Variants in KIF13B observed in about 807,000 individuals in gnomAD.
The protein encoded by KIF13B is kinesin-like protein KIF13B.
KIF13B carries 127 observed loss-of-function variants against 222.0 expected under a neutral mutation model. The ratio of observed to expected loss-of-function variants is 0.57; its 90% CI spans 0.50 to 0.66. The LOEUF (loss-of-function observed/expected upper bound fraction) is 0.66, where lower values mean the gene tolerates loss of function less well. Among genes scored for constraint, KIF13B ranks in the 30% least tolerant of loss-of-function variants. The pLI is 0.00. For missense variants in KIF13B, 2,173 were observed against 2,379.0 expected, an observed-to-expected ratio of 0.91 and a Z score of 1.80; for synonymous variants, 976 against 919.0, an observed-to-expected ratio of 1.06 and a Z score of -1.12.
At chr8:29,127,940 A>G (rs1006631558) in intron 24 of KIF13B, among the ~76,000 whole-genome samples, 5 of 151,918 alleles carry the variant, frequency 3.3e-5, no homozygotes, top group African/African-American at 4.8e-5. Flanking sequence ...ACATATAATG[A>G]AACACTATAC....
intron 12 of KIF13B, among the ~76,000 whole-genome samples, chr8:29,164,258 T>G (rs1240086250): frequency 6.6e-6 from 1 of 152,246 alleles, no homozygotes; most frequent in Non-Finnish European, 1.5e-5. Context: ...ACAGATTGAT[T>G]CTGGACAGCA....
At chr8:29,124,181 C>T (rs1810004254) in intron 26 of KIF13B, 58 bp from the exon 27 acceptor site, 2 of 1,022,152 alleles carry the variant, frequency 2.0e-6, no homozygotes, top group Admixed American at 2.0e-5. Context: ...CTATCTGAAA[C>T]TGATGCTCTA....
intron 2 of KIF13B, among the ~76,000 whole-genome samples, chr8:29,217,109 C>T (rs776940880): frequency 9.2e-5 from 14 of 152,128 alleles, no homozygotes; most frequent in South Asian, 2.1e-4. Flanking sequence ...GTAGAGGATA[C>T]GTGAACTATC....
At chr8:29,166,222 T>C (rs900604033) in intron 11 of KIF13B, among the ~76,000 whole-genome samples, 3 of 152,172 alleles carry the variant, frequency 2.0e-5, no homozygotes, top group Non-Finnish European at 4.4e-5. Context: ...ACAGTCTTCA[T>C]GGACTATAAA....
rs191998856 is a variant in KIF13B, at chr8:29,075,254, T to G, written c.4521+27A>C. On this transcript the variant is annotated intron_variant, in intron 38 of 39. Transcript: ENST00000524189. ...GGCCACCTGCTCGCTGTAGGTGGGG[T>G]GGCCACCCGTGACCCAACAGACTCA... The G allele has an allele frequency of 5.9e-3, 9,177 of 1,549,324 alleles. 45 individuals are homozygous for G. Among genetic ancestry groups the G allele is most frequent in the African/African-American group, 0.01 (759 of 73,122 alleles).
chr8:29,124,068 T>C lies in KIF13B; in HGVS notation c.3308A>G (p.Gln1103Arg), dbSNP rs770170380. 2 of 1,613,276 alleles carry C rather than the reference T, an allele frequency of 1.2e-6. No homozygotes were observed. The highest frequency in any genetic ancestry group is 1.3e-5 in the African/African-American group (1 of 74,932). ...TTGCAATTGTTGATCCAAGTACTCC[T>C]GACGTTTTGTTAATGCATTTAGCCA... ...RKWLNALTKRQEYLDQQLQKL... is the reference protein window; with the variant it reads ...RKWLNALTKRREYLDQQLQKL... Residue 1103 changes from glutamine to arginine, a missense_variant, in exon 27 of 40, where the codon CAG becomes CGG. Gln to Arg is a conservative substitution (Grantham distance 43). Around this residue, in one of 2 missense-constraint regions of KIF13B, gnomAD observed 1,480 missense variants for 1,722.8 expected, o/e 0.86. Transcript: ENST00000524189.
At chr8:29,125,290 T>TA (rs1408569795) in intron 26 of KIF13B, among the ~76,000 whole-genome samples, 1 of 152,160 alleles carries the variant, frequency 6.6e-6, no homozygotes, top group Non-Finnish European at 1.5e-5. Context: ...ATATCAATCT[T>TA]ACCTCATTTC....
At chr8:29,257,661 G>C (rs1816534977) in intron 1 of KIF13B, among the ~76,000 whole-genome samples, 1 of 152,086 alleles carries the variant, frequency 6.6e-6, no homozygotes, top group South Asian at 2.1e-4. Flanking sequence ...ATTGAAATTA[G>C]ACAGACATGG....
chr8:29,074,437 T>C (rs1205637961), intron 38 of KIF13B, among the ~76,000 whole-genome samples: 2 of 152,248 alleles, frequency 1.3e-5, no homozygotes, highest in African/African-American at 4.8e-5. Flanking sequence ...GAAACCCAGA[T>C]GCCATCTATG....
chr8:29,149,508 C>T (rs1811206758), intron 15 of KIF13B, among the ~76,000 whole-genome samples: 1 of 152,196 alleles, frequency 6.6e-6, no homozygotes, highest in Non-Finnish European at 1.5e-5. Flanking sequence ...TGGGAAACCA[C>T]ATGTACAGCC....
chr8:29,081,175 A>T (rs897867580), intron 37 of KIF13B, among the ~76,000 whole-genome samples: 3 of 152,198 alleles, frequency 2.0e-5, no homozygotes, highest in Admixed American at 2.0e-4. Flanking sequence ...CTGTCAGTGA[A>T]ATCTCTTACA....
intron 2 of KIF13B, among the ~76,000 whole-genome samples, chr8:29,208,863 C>T (rs968190831): frequency 3.9e-5 from 6 of 152,326 alleles, no homozygotes; most frequent in African/African-American, 2.4e-5. Context: ...GCCACAGCCT[C>T]GTCTCAGAAA....
At chr8:29,077,494 A>G (rs1807619920) in intron 37 of KIF13B, among the ~76,000 whole-genome samples, 1 of 152,260 alleles carries the variant, frequency 6.6e-6, no homozygotes, top group African/African-American at 2.4e-5. Flanking sequence ...AAATACTTGC[A>G]TTCTTCACTA....
At chr8:29,169,624 T>C (rs4732912) in intron 10 of KIF13B, among the ~76,000 whole-genome samples, 127,719 of 152,182 alleles carry the variant, frequency 0.84, 54,303 homozygotes, top group Non-Finnish European at 0.9. Context: ...TAATTTAATG[T>C]ATGACATGGG....
chr8:29,160,973 A>G (rs1020291977), intron 12 of KIF13B, 106 bp from the exon 13 acceptor site: 17 of 909,268 alleles, frequency 1.9e-5, no homozygotes, highest in Non-Finnish European at 2.7e-5. Flanking sequence ...TTGTAATTCA[A>G]ATACATTCTC....
At position 29,069,390 on chromosome 8, in the gene KIF13B, C is replaced by T. The variant is rs953062806; in HGVS notation, c.*1114G>A. ...GCCCAGCCGCCAGGCCCCAGCCCCA[C>T]ACTCTGAGAGTCTGGGAGTTGCCGA... On this transcript the variant is annotated 3_prime_UTR_variant, in exon 40 of 40. Coordinates refer to ENST00000524189, the MANE Select transcript of KIF13B (RefSeq NM_015254.4). The T allele has an allele frequency of 1.3e-5, 2 of 152,648 alleles. No homozygotes were observed. The highest frequency in any genetic ancestry group is 6.5e-5 in the Admixed American group (1 of 15,310). 9.5% of individuals were successfully genotyped at this position (152,648 alleles called of 1,614,324 possible). A position where few individuals can be genotyped will look rare whatever the true frequency, so the allele number is the denominator to read the frequency against.
intron 38 of KIF13B, among the ~76,000 whole-genome samples, chr8:29,072,522 A>AAAAT (rs768144881): frequency 2.0e-5 from 3 of 152,182 alleles, no homozygotes; most frequent in African/African-American, 7.2e-5. Context: ...CCGTTTCGAC[A>AAAAT]AAATAAATAA....
In KIF13B at chr8:29,071,968, G is replaced by GGCCA; in HGVS notation, c.4866_4869dup (p.Pro1624TrpfsTer68). 1.5e-6 allele frequency: 2 copies of GGCCA among 1,326,424 alleles called. No homozygotes were observed. Among genetic ancestry groups the GGCCA allele is most frequent in the Non-Finnish European group, 1.9e-6 (2 of 1,042,790 alleles). 82.2% of individuals were successfully genotyped at this position (1,326,424 alleles called of 1,614,324 possible). On this transcript the variant is annotated frameshift_variant, in exon 39 of 40. Coordinates refer to ENST00000524189, the MANE Select transcript of KIF13B (RefSeq NM_015254.4). LOFTEE classifies it high-confidence loss of function. The surrounding 1 kb of genome is among the most constrained non-coding windows in gnomAD (Gnocchi z 4.9). ...CGACCGGGGCTCACGAGCTGCTGGG[G>GGCCA]GCCAGGGGGCTCCTCGGCGGGGACG...
intron 35 of KIF13B, among the ~76,000 whole-genome samples, chr8:29,107,727 G>A (rs1174590393): frequency 3.3e-5 from 5 of 151,712 alleles, no homozygotes; most frequent in South Asian, 2.1e-4. Context: ...CGCCTGACTA[G>A]TTTTTTGTAT....
Sources: gnomAD v4.1 joint callset for allele counts (sites outside exome capture counted in the v4.1 genomes callset) on GRCh38, gnomAD v4.1.1 for gene constraint, gnomAD v4.1.1 regional missense constraint, Gnocchi (gnomAD v3.1) non-coding constraint, MANE v1.5 for transcripts, NCBI Gene and HGNC (gene_info 2026-07-23, HGNC 2026-07-21) for gene names.